The following P2RX2 variants were observed in gnomAD, a reference collection of about 807,000 sequenced individuals.
P2RX2 encodes P2X purinoceptor 2.
P2RX2 carries 50 observed loss-of-function variants against 54.8 expected under a neutral mutation model. The observed-to-expected ratio is 0.91, with a 90% CI of 0.73 to 1.15. The LOEUF (loss-of-function observed/expected upper bound fraction) is 1.15, where lower values mean the gene tolerates loss of function less well. Ranked by LOEUF, P2RX2 falls within the 50% of genes most tolerant of loss-of-function variation. The pLI, the probability that P2RX2 is intolerant of heterozygous loss-of-function variation, is 0.00. For missense variants in P2RX2, 658 were observed against 633.2 expected, an observed-to-expected ratio of 1.04 and a Z score of -0.42; for synonymous variants, 289 against 259.4, an observed-to-expected ratio of 1.11 and a Z score of -1.09.
chr12:132,620,005 A>G lies in P2RX2; in HGVS notation c.463A>G (p.Arg155Gly). 6.3e-7 allele frequency: 1 copy of G among 1,584,368 alleles called. No homozygotes were observed. The stretch of plus-strand genomic sequence containing the variant: ...CAGTGACCTCTGCCTCCCAGGCCTG[A>G]GGACTGGGCGCTGTGTGCCCTATTA... The part of the protein sequence containing the change: ...GELDMLGNGL[R>G]TGRCVPYYQG... Residue 155 changes from arginine to glycine, a missense_variant, in exon 5 of 11, where the codon AGG (arginine) becomes GGG (glycine). Coordinates refer to ENST00000643471, the MANE Select transcript of P2RX2 (RefSeq NM_170682.4).
Position 132,618,955 on chromosome 12 carries a change from G to T in P2RX2, c.139G>T (p.Ala47Ser). The part of the protein sequence containing the change: ...RNRRLGVLYR[A>S]VQLLILLYFV... Reference sequence around the variant, plus strand: ...CCGGCGCCTGGGGGTCCTGTACCGCGCCGTGCAGCTGCTCATCCTGCTCTA... The same window carrying T: ...CCGGCGCCTGGGGGTCCTGTACCGCTCCGTGCAGCTGCTCATCCTGCTCTA... Residue 47 changes from alanine (A) to serine (S), a missense_variant, in exon 1 of 11, where the codon GCC (alanine) becomes TCC (serine). Coordinates refer to ENST00000643471, the MANE Select transcript of P2RX2 (RefSeq NM_170682.4). The T allele has an allele frequency of 7.6e-7, 1 of 1,310,224 alleles. No homozygotes were observed. The highest frequency in any genetic ancestry group is 9.8e-7 in the Non-Finnish European group (1 of 1,020,186). 81.2% of individuals were successfully genotyped at this position (1,310,224 alleles called of 1,614,324 possible). A position where few individuals can be genotyped will look rare whatever the true frequency, so the allele number is the denominator to read the frequency against.
In P2RX2 at chr12:132,618,885, C is replaced by A. The variant is rs756774341; in HGVS notation, c.69C>A (p.Ser23=). Residue 23 remains serine, a synonymous_variant, in exon 1 of 11, where the codon TCC becomes TCA. Coordinates refer to ENST00000643471, the MANE Select transcript of P2RX2 (RefSeq NM_170682.4). ...TARRLARGCW[S]ALWDYETPKV... is the part of the protein sequence containing the mutation. Reference sequence around the variant, plus strand: ...GGCGCCTGGCCCGGGGCTGCTGGTCCGCCCTCTGGGACTACGAGACGCCCA... The same window carrying A: ...GGCGCCTGGCCCGGGGCTGCTGGTCAGCCCTCTGGGACTACGAGACGCCCA... 48 of 1,377,216 alleles carry A rather than the reference C, an allele frequency of 3.5e-5. No homozygotes were observed. Among genetic ancestry groups the A allele is most frequent in the Non-Finnish European group, 4.5e-5 (48 of 1,057,720 alleles). 85.3% of individuals were successfully genotyped at this position (1,377,216 alleles called of 1,614,324 possible).
chr12:132,618,991 TGCGCGGG>T lies in P2RX2; in HGVS notation c.173+11_173+17del. ...GCTCATCCTGCTCTACTTCGTGTGG[TGCGCGGG>T]GCGCGGGGTGCGGGGCGCGGGGTGC... On this transcript the variant is annotated splice_donor_5th_base_variant and intron_variant, in intron 1 of 10. Transcript: ENST00000643471. 1 of 1,144,652 alleles carries T rather than the reference TGCGCGGG, an allele frequency of 8.7e-7. No individual in the cohort carries two copies. Among genetic ancestry groups the T allele is most frequent in the South Asian group, 3.4e-5 (1 of 29,536 alleles). The allele number at this position is 1,144,652 out of a possible 1,614,324, so 70.9% of individuals were successfully genotyped here. A position where few individuals can be genotyped will look rare whatever the true frequency, so the allele number is the denominator to read the frequency against.
Position 132,619,007 on chromosome 12 carries a change from T to C in P2RX2, c.173+18T>C, listed in dbSNP as rs1593665319. On this transcript the variant is annotated intron_variant, in intron 1 of 10. Coordinates refer to ENST00000643471, the MANE Select transcript of P2RX2 (RefSeq NM_170682.4). ...TTCGTGTGGTGCGCGGGGCGCGGGG[T>C]GCGGGGCGCGGGGTGCGGGGCGCAG... The C allele has an allele frequency of 1.4e-5, 2 of 138,466 alleles. No individual in the cohort carries two copies. The highest frequency in any genetic ancestry group is 1.7e-5 in the Non-Finnish European group (2 of 121,146). The allele number at this position is 138,466 out of a possible 1,614,324, so 8.6% of individuals were successfully genotyped here.
chr12:132,622,374 A>C lies in P2RX2; in HGVS notation c.*402A>C. 3.2e-6 allele frequency: 1 copy of C among 316,026 alleles called. No homozygotes were observed. Among genetic ancestry groups the C allele is most frequent in the East Asian group, 1.1e-4 (1 of 8,990 alleles). The allele number at this position is 316,026 out of a possible 1,614,324, so 19.6% of individuals were successfully genotyped here. On this transcript the variant is annotated 3_prime_UTR_variant, in exon 11 of 11. Coordinates refer to ENST00000643471, the MANE Select transcript of P2RX2 (RefSeq NM_170682.4). ...AAGTCACAACATACTCAGTCCAATA[A>C]ACCTGTGAGCAGAACCTTCTGGCCT...
Position 132,621,907 on chromosome 12 carries a change from A to C in P2RX2, c.1351A>C (p.Thr451Pro). The C allele has an allele frequency of 6.2e-7, 1 of 1,613,260 alleles. No homozygotes were observed. Among genetic ancestry groups the C allele is most frequent in the Non-Finnish European group, 8.5e-7 (1 of 1,179,904 alleles). Residue 451 changes from threonine (T) to proline (P), a missense_variant, in exon 11 of 11, where the codon ACT (threonine) becomes CCT (proline). Physicochemically the swap from Thr to Pro is conservative, Grantham distance 38 (BLOSUM62 -1). Transcript: ENST00000643471. Reference protein sequence around the residue: ...ISAPSEQMVDTPASEPAQAST... With the variant: ...ISAPSEQMVDPPASEPAQAST... The stretch of plus-strand genomic sequence containing the variant: ...TGCCCCTTCTGAGCAGATGGTGGAC[A>C]CTCCTGCCTCCGAGCCTGCCCAAGC...
rs868398885 is a variant in P2RX2 at position 132,620,038 on chromosome 12, C to A, written c.496C>A (p.Pro166Thr). 1.3e-6 allele frequency: 2 copies of A among 1,590,136 alleles called. No homozygotes were observed. The highest frequency in any genetic ancestry group is 4.6e-5 in the East Asian group (2 of 43,840). ...GCGCTGTGTGCCCTATTACCAGGGG[C>A]CCTCCAAGACCTGCGAGGTGTTCGG... is the stretch of plus-strand genomic sequence containing the variant. ...TGRCVPYYQGPSKTCEVFGWC... is the reference protein window; with the variant it reads ...TGRCVPYYQGTSKTCEVFGWC... The change falls in exon 5 of 11, where the codon CCC becomes ACC. Residue 166 changes from proline (P) to threonine (T), a missense_variant. Pro to Thr is a conservative substitution (Grantham distance 38). Transcript: ENST00000643471.
In P2RX2 at chr12:132,620,039, C is replaced by T; in HGVS notation, c.497C>T (p.Pro166Leu). The change falls in exon 5 of 11, where the codon CCC becomes CTC. Residue 166 changes from proline (P) to leucine (L), a missense_variant. Transcript: ENST00000643471. ...CGCTGTGTGCCCTATTACCAGGGGC[C>T]CTCCAAGACCTGCGAGGTGTTCGGC... is the stretch of plus-strand genomic sequence containing the variant. ...TGRCVPYYQGPSKTCEVFGWC... is the reference protein window; with the variant it reads ...TGRCVPYYQGLSKTCEVFGWC... 1 of 1,590,308 alleles carries T rather than the reference C, an allele frequency of 6.3e-7. No individual in the cohort carries two copies. The highest frequency in any genetic ancestry group is 8.5e-7 in the Non-Finnish European group (1 of 1,169,910).
chr12:132,620,246 A>G (rs773727715), intron 5 of P2RX2, 21 bp from the exon 6 acceptor site: 1 of 1,607,070 alleles, frequency 6.2e-7, no homozygotes, highest in Non-Finnish European at 8.5e-7. Flanking sequence ...GGGACTAAAC[A>G]ACCCTTCTGT....
At position 132,618,841 on chromosome 12, in the gene P2RX2, C is replaced by A; in HGVS notation, c.25C>A (p.Pro9Thr). The change falls in exon 1 of 11, where the codon CCC becomes ACC. Residue 9 changes from proline (P) to threonine (T), a missense_variant. Physicochemically the swap from Pro to Thr is conservative, Grantham distance 38. Transcript: ENST00000643471. MAAAQPKY[P>T]AGATARRLAR... ...CATGGCCGCCGCCCAGCCCAAGTAC[C>A]CCGCCGGGGCGACCGCCCGGCGCCT... The A allele has an allele frequency of 7.5e-7, 1 of 1,341,882 alleles. No homozygotes were observed. The highest frequency in any genetic ancestry group is 9.6e-7 in the Non-Finnish European group (1 of 1,040,878). The allele number at this position is 1,341,882 out of a possible 1,614,324, so 83.1% of individuals were successfully genotyped here. A position where few individuals can be genotyped will look rare whatever the true frequency, so the allele number is the denominator to read the frequency against.
In P2RX2 at chr12:132,619,593, C is replaced by G; in HGVS notation, c.309+19C>G. ...CCCCGAGGTGCGGGCCGCCCCCTGC[C>G]CCCCGCCCCGCCGTGCACCCTACCC... is the stretch of plus-strand genomic sequence containing the variant. On this transcript the variant is annotated intron_variant, in intron 2 of 10. Coordinates refer to ENST00000643471, the MANE Select transcript of P2RX2 (RefSeq NM_170682.4). 1 of 1,601,492 alleles carries G rather than the reference C, an allele frequency of 6.2e-7. No homozygotes were observed. Among genetic ancestry groups the G allele is most frequent in the South Asian group, 1.1e-5 (1 of 90,690 alleles).
chr12:132,620,392 T>C (rs764168053), intron 6 of P2RX2, 45 bp downstream of exon 6: 3 of 1,613,912 alleles, frequency 1.9e-6, no homozygotes, highest in African/African-American at 2.7e-5. Flanking sequence ...GAGGGCTGCC[T>C]TCTGGGAATG....
chr12:132,621,254 G>A lies in P2RX2; in HGVS notation c.906-1G>A, dbSNP rs2041665112. The A allele has an allele frequency of 1.9e-6, 3 of 1,613,916 alleles. No individual in the cohort carries two copies. Among genetic ancestry groups the A allele is most frequent in the East Asian group, 4.5e-5 (2 of 44,888 alleles). On this transcript the variant is annotated splice_acceptor_variant, in intron 8 of 10. Transcript: ENST00000643471. LOFTEE classifies it high-confidence loss of function. Reference sequence around the variant, plus strand: ...AGTGGGCACTGGCGTTCCCATTGCAGGTTTGCCAAATACTACAAGATCAAT... The same window carrying A: ...AGTGGGCACTGGCGTTCCCATTGCAAGTTTGCCAAATACTACAAGATCAAT...
chr12:132,621,231 T>G, intron 8 of P2RX2, 24 bp from the exon 9 acceptor site: 1 of 1,613,684 alleles, frequency 6.2e-7, no homozygotes, highest in Non-Finnish European at 8.5e-7. Flanking sequence ...AGAGGACGAG[T>G]GGGCACTGGC....
chr12:132,621,459 C>T lies in P2RX2; in HGVS notation c.997-16C>T. 1.3e-6 allele frequency: 2 copies of T among 1,570,012 alleles called. No homozygotes were observed. The highest frequency in any genetic ancestry group is 1.7e-6 in the Non-Finnish European group (2 of 1,156,296). On this transcript the variant is annotated splice_polypyrimidine_tract_variant and intron_variant, in intron 9 of 10. Coordinates refer to ENST00000643471, the MANE Select transcript of P2RX2 (RefSeq NM_170682.4). Reference sequence around the variant, plus strand: ...ACGCCGTCAGACATTCTGACCACGACCCCCATTCTCCCCAGGCCGGGAAGT... The same window carrying T: ...ACGCCGTCAGACATTCTGACCACGATCCCCATTCTCCCCAGGCCGGGAAGT...
Position 132,619,704 on chromosome 12 carries a change from C to G in P2RX2, c.335C>G (p.Thr112Ser), listed in dbSNP as rs2041560173. The G allele has an allele frequency of 6.2e-7, 1 of 1,603,612 alleles. No homozygotes were observed. The highest frequency in any genetic ancestry group is 8.5e-7 in the Non-Finnish European group (1 of 1,175,100). Residue 112 changes from threonine to serine, a missense_variant, in exon 3 of 11, where the codon ACC becomes AGC. Thr to Ser is a moderately conservative substitution (Grantham distance 58, BLOSUM62 1). Coordinates refer to ENST00000643471, the MANE Select transcript of P2RX2 (RefSeq NM_170682.4). ...PEGGSVFSII[T>S]RVEATHSQTQ... ...GGGGGCAGCGTGTTCAGCATCATCA[C>G]CAGGGTCGAGGCCACCCACTCCCAG...
intron 1 of P2RX2, among the ~76,000 whole-genome samples, chr12:132,619,225 G>GTGGGT (rs1555298018): frequency 3.3e-5 from 1 of 30,360 alleles, no homozygotes; most frequent in Non-Finnish European, 5.9e-5. Context: ...GGCTGGAGGC[G>GTGGGT]CGGGGCTGGG....
chr12:132,621,931 G>T lies in P2RX2; in HGVS notation c.1375G>T (p.Ala459Ser). 6.2e-7 allele frequency: 1 copy of T among 1,613,840 alleles called. No individual in the cohort carries two copies. The highest frequency in any genetic ancestry group is 1.1e-5 in the South Asian group (1 of 91,086). The change falls in exon 11 of 11, where the codon GCC becomes TCC. Residue 459 changes from alanine to serine, a missense_variant. Physicochemically the swap from Ala to Ser is moderately conservative, Grantham distance 99. Transcript: ENST00000643471. The part of the protein sequence containing the change: ...VDTPASEPAQ[A>S]STPTDPKGLA... Reference sequence around the variant, plus strand: ...CACTCCTGCCTCCGAGCCTGCCCAAGCCTCCACACCCACAGACCCCAAAGG... The same window carrying T: ...CACTCCTGCCTCCGAGCCTGCCCAATCCTCCACACCCACAGACCCCAAAGG...
At position 132,620,471 on chromosome 12, in the gene P2RX2, G is replaced by A. The variant is rs1217280554; in HGVS notation, c.662G>A (p.Gly221Glu). 5.0e-6 allele frequency: 8 copies of A among 1,614,078 alleles called. No individual in the cohort carries two copies. The highest frequency in any genetic ancestry group is 6.8e-6 in the Non-Finnish European group (8 of 1,180,022). Reference sequence around the variant, plus strand: ...GGCAACATCGCCGACCGCACAGACGGGTACCTGAAGCGCTGCACGTTCCAC... The same window carrying A: ...GGCAACATCGCCGACCGCACAGACGAGTACCTGAAGCGCTGCACGTTCCAC... ...SKGNIADRTD[G>E]YLKRCTFHEA... Residue 221 changes from glycine to glutamate, a missense_variant, in exon 7 of 11, where the codon GGG becomes GAG. Physicochemically the swap from Gly to Glu is moderately conservative, Grantham distance 98 (BLOSUM62 -2). Transcript: ENST00000643471.
Sources: allele counts gnomAD v4.1 joint callset (sites outside exome capture counted in the v4.1 genomes callset), GRCh38; gene constraint gnomAD v4.1.1; transcripts MANE v1.5; gene names NCBI Gene and HGNC (gene_info 2026-07-23, HGNC 2026-07-21).